PGM5: variants seen among roughly 807,000 people sequenced by gnomAD.
The protein encoded by PGM5 is phosphoglucomutase 5.
In PGM5, 23 loss-of-function variants were observed where a neutral mutation model predicts 59.2. The ratio of observed to expected loss-of-function variants is 0.39; its 90% confidence interval spans 0.28 to 0.55. The LOEUF (loss-of-function observed/expected upper bound fraction) is 0.55, where lower values mean the gene tolerates loss of function less well. PGM5 is among the 20% of genes least tolerant of loss of function. The pLI, the probability that PGM5 is intolerant of heterozygous loss-of-function variation, is 0.66. For missense variants in PGM5, 574 were observed against 748.3 expected, an observed-to-expected ratio of 0.77 and a Z score of 2.72; for synonymous variants, 214 against 286.0, an observed-to-expected ratio of 0.75 and a Z score of 2.54.
chr9:68,477,975 T>C (rs1554686805), intron 7 of PGM5, among the ~76,000 whole-genome samples: 1 of 152,260 alleles, frequency 6.6e-6, no homozygotes, highest in East Asian at 1.9e-4. Flanking sequence ...GTCCCCATTT[T>C]ACAAATGAGA....
chr9:68,454,864 A>G (rs1375738063), intron 6 of PGM5, among the ~76,000 whole-genome samples: 1 of 152,164 alleles, frequency 6.6e-6, no homozygotes, highest in Non-Finnish European at 1.5e-5. Flanking sequence ...GACCTTTCCA[A>G]TATTCCCTTT....
At chr9:68,528,515 G>A (rs771398241) in intron 10 of PGM5, among the ~76,000 whole-genome samples, 29 of 152,270 alleles carry the variant, frequency 1.9e-4, no homozygotes, top group Non-Finnish European at 2.8e-4. Context: ...GGGATTACAG[G>A]CATGAGCCAC....
intron 1 of PGM5, among the ~76,000 whole-genome samples, chr9:68,369,481 G>C (rs1397668113): frequency 1.3e-5 from 2 of 152,114 alleles, no homozygotes; most frequent in Admixed American, 1.3e-4. Context: ...TAGTGAGTCA[G>C]ACTGTATACC....
intron 1 of PGM5, among the ~76,000 whole-genome samples, chr9:68,360,673 C>T (rs1454176160): frequency 1.7e-4 from 26 of 152,018 alleles, no homozygotes; most frequent in South Asian, 6.2e-4. Flanking sequence ...TAATGGCACT[C>T]ATAGGCAAAC....
chr9:68,375,515 C>T (rs1279918043), intron 1 of PGM5, among the ~76,000 whole-genome samples: 1 of 152,226 alleles, frequency 6.6e-6, no homozygotes, highest in Non-Finnish European at 1.5e-5. Flanking sequence ...TCTTTCTGCT[C>T]TTGCCCCCCT....
At chr9:68,477,316 C>T (rs1824123613) in intron 7 of PGM5, among the ~76,000 whole-genome samples, 1 of 148,864 alleles carries the variant, frequency 6.7e-6, no homozygotes, top group South Asian at 2.1e-4. Context: ...CTCAGGTTTG[C>T]ATGTTTTCCT....
intron 1 of PGM5, among the ~76,000 whole-genome samples, chr9:68,372,481 G>C (rs538500905): frequency 1.1e-4 from 16 of 152,116 alleles, no homozygotes; most frequent in African/African-American, 3.6e-4. Flanking sequence ...TTGGGGAATG[G>C]TACCATAAGG....
At chr9:68,376,777 CTTTCTTTCTT>C (rs1191096217) in intron 1 of PGM5, among the ~76,000 whole-genome samples, 4 of 74,930 alleles carry the variant, frequency 5.3e-5, no homozygotes, top group African/African-American at 2.2e-4. Flanking sequence ...TTCTTTCTTT[CTTTCTTTCTT>C]TCTTTCTTTC....
intron 10 of PGM5, among the ~76,000 whole-genome samples, chr9:68,528,651 C>T (rs1362324204): frequency 1.3e-5 from 2 of 152,202 alleles, no homozygotes; most frequent in South Asian, 2.1e-4. Context: ...ACATCATGAA[C>T]ATGAATTCAA....
intron 10 of PGM5, among the ~76,000 whole-genome samples, chr9:68,522,785 C>G (rs1476899419): frequency 6.6e-6 from 1 of 152,218 alleles, no homozygotes; most frequent in Non-Finnish European, 1.5e-5. Context: ...CACCTCAGGC[C>G]TTCCTATTGG....
intron 6 of PGM5, among the ~76,000 whole-genome samples, chr9:68,454,213 G>A (rs1400079629): frequency 6.6e-6 from 1 of 152,168 alleles, no homozygotes; most frequent in African/African-American, 2.4e-5. Flanking sequence ...GAAGGTCAAG[G>A]TTCCTGCCAA....
At chr9:68,449,527 C>T (rs1264667883) in intron 6 of PGM5, among the ~76,000 whole-genome samples, 1 of 152,204 alleles carries the variant, frequency 6.6e-6, no homozygotes, top group South Asian at 2.1e-4. Flanking sequence ...GGTCAGAGAG[C>T]TTTCAACTCA....
chr9:68,424,519 C>T (rs1554682582), intron 6 of PGM5, among the ~76,000 whole-genome samples: 1 of 152,126 alleles, frequency 6.6e-6, no homozygotes, highest in African/African-American at 2.4e-5. Flanking sequence ...GGTCCCACCT[C>T]CTAAAATCAT....
chr9:68,459,628 A>G (rs1489970283), intron 6 of PGM5, among the ~76,000 whole-genome samples: 1 of 152,152 alleles, frequency 6.6e-6, no homozygotes, highest in African/African-American at 2.4e-5. Flanking sequence ...GCATCCCTTC[A>G]ACAGTACATT....
chr9:68,410,823 A>G (rs1822916424), intron 6 of PGM5, among the ~76,000 whole-genome samples: 1 of 152,222 alleles, frequency 6.6e-6, no homozygotes, highest in Non-Finnish European at 1.5e-5. Flanking sequence ...ATTCCAAATG[A>G]CATAAACAAC....
intron 9 of PGM5, among the ~76,000 whole-genome samples, chr9:68,495,164 G>A (rs782097303): frequency 2.6e-5 from 4 of 152,132 alleles, no homozygotes; most frequent in Non-Finnish European, 5.9e-5. Flanking sequence ...TTAACACTGC[G>A]GTGGAAACTT....
At chr9:68,392,969 T>A (rs372763418) in intron 6 of PGM5, among the ~76,000 whole-genome samples, 190 of 152,234 alleles carry the variant, frequency 1.2e-3, no homozygotes, top group African/African-American at 4.4e-3. Flanking sequence ...AATAGAAAAA[T>A]GATACTTCAT....
rs185613493 is a variant in PGM5, at chr9:68,469,456, G to A, written c.1159+4248G>A. ...TCCAGAGCTGCTGGCATTAGCATGA[G>A]TTGTCCATACTTGTCACACCAAATT... On this transcript the variant is annotated intron_variant, in intron 7 of 10. Coordinates refer to ENST00000396396, the MANE Select transcript of PGM5 (RefSeq NM_021965.4). 5.3e-5 allele frequency among the ~76,000 whole-genome samples: 8 copies of A among 152,316 alleles called. No homozygotes were observed. The East Asian group carries it at 1.5e-3, about 29-fold the overall frequency.
chr9:68,379,901 C>T (rs1336019089), intron 2 of PGM5, among the ~76,000 whole-genome samples: 2 of 151,766 alleles, frequency 1.3e-5, no homozygotes, highest in African/African-American at 4.8e-5. Flanking sequence ...ATCAAGAGGA[C>T]ATAACAATTG....
Sources: gnomAD v4.1 joint callset for allele counts (sites outside exome capture counted in the v4.1 genomes callset) on GRCh38, gnomAD v4.1.1 for gene constraint, MANE v1.5 for transcripts, NCBI Gene and HGNC (gene_info 2026-07-23, HGNC 2026-07-21) for gene names.